The following AANAT variants were observed in gnomAD, a reference collection of about 807,000 sequenced individuals.
AANAT encodes serotonin N-acetyltransferase.
Under a neutral mutation model 15.6 loss-of-function variants are expected in AANAT, and 11 were observed. That is an observed-to-expected ratio of 0.71 (90% CI 0.44 to 1.17). The LOEUF (loss-of-function observed/expected upper bound fraction) is 1.17. Ranked by LOEUF, AANAT falls within the 50% of genes most tolerant of loss-of-function variation. The probability of loss-of-function intolerance (pLI) is 0.00; values close to 1 mark genes in which losing one functional copy is unlikely to be tolerated. For missense variants in AANAT, 286 were observed against 296.3 expected (o/e 0.97, Z 0.26); for synonymous variants, 139 against 131.5 (o/e 1.06, Z -0.39).
chr17:76,468,623 C>T (rs1170235431), intron 1 of AANAT, 49 bp from the exon 2 acceptor site: 4 of 1,479,578 alleles, frequency 2.7e-6, no homozygotes, highest in Non-Finnish European at 1.8e-6. Context: ...TGGGGCCTGC[C>T]TCCCTGGAGA....
At position 76,470,074 on chromosome 17, in the gene AANAT, C is replaced by T; in HGVS notation, c.*104C>T. The T allele has an allele frequency of 1.6e-6, 2 of 1,250,918 alleles. No homozygotes were observed. Among genetic ancestry groups the T allele is most frequent in the Non-Finnish European group, 2.1e-6 (2 of 938,010 alleles). The allele number at this position is 1,250,918 out of a possible 1,614,324, so 77.5% of individuals were successfully genotyped here. A position where few individuals can be genotyped will look rare whatever the true frequency, so the allele number is the denominator to read the frequency against. Reference sequence around the variant, plus strand: ...AGCAGTTTCCAGAGAGTGGAGAGAGCAGGGCTAAATAAAGAGGAGATAAGG... The same window carrying T: ...AGCAGTTTCCAGAGAGTGGAGAGAGTAGGGCTAAATAAAGAGGAGATAAGG... On this transcript the variant is annotated 3_prime_UTR_variant, in exon 4 of 4. Coordinates refer to ENST00000392492, the MANE Select transcript of AANAT (RefSeq NM_001088.3).
chr17:76,458,436 G>C (rs2073358880), intron 1 of AANAT, among the ~76,000 whole-genome samples: 1 of 152,184 alleles, frequency 6.6e-6, no homozygotes, highest in South Asian at 2.1e-4. Flanking sequence ...TGAGGTGTAG[G>C]AAGGAGGAAA....
chr17:76,469,450 G>A lies in AANAT; in HGVS notation c.318+123G>A. Reference sequence around the variant, plus strand: ...CTCCAGAACTGGAGAGATGAGTACAGGCCACAGGCCCCTCCCAGAGCAAGA... The same window carrying A: ...CTCCAGAACTGGAGAGATGAGTACAAGCCACAGGCCCCTCCCAGAGCAAGA... On this transcript the variant is annotated intron_variant, in intron 3 of 3. Coordinates refer to ENST00000392492, the MANE Select transcript of AANAT (RefSeq NM_001088.3). The surrounding 1 kb of genome is among the most constrained non-coding windows in gnomAD (Gnocchi z 5.2). The A allele has an allele frequency of 7.3e-7, 1 of 1,372,932 alleles. No homozygotes were observed. The highest frequency in any genetic ancestry group is 9.9e-7 in the Non-Finnish European group (1 of 1,012,114). The allele number at this position is 1,372,932 out of a possible 1,614,324, so 85.0% of individuals were successfully genotyped here. A position where few individuals can be genotyped will look rare whatever the true frequency, so the allele number is the denominator to read the frequency against.
intron 1 of AANAT, among the ~76,000 whole-genome samples, chr17:76,454,341 T>G (rs1598633585): frequency 1.4e-5 from 2 of 140,440 alleles, no homozygotes; most frequent in Non-Finnish European, 1.6e-5. Flanking sequence ...AAAAAATAGC[T>G]GGGCGTGGTG....
chr17:76,469,361 A>T lies in AANAT; in HGVS notation c.318+34A>T. 1 of 1,611,270 alleles carries T rather than the reference A, an allele frequency of 6.2e-7. No homozygotes were observed. The highest frequency in any genetic ancestry group is 8.5e-7 in the Non-Finnish European group (1 of 1,178,934). On this transcript the variant is annotated intron_variant, in intron 3 of 3. Coordinates refer to ENST00000392492, the MANE Select transcript of AANAT (RefSeq NM_001088.3). This position sits in a 1 kb window ranked among gnomAD's most constrained non-coding sequence, Gnocchi z 5.2. Reference sequence around the variant, plus strand: ...AGGGCTGCGACGCCCAGCTCCAGGGAGGCCTCTGAAGACAGAGGTCAGCCA... The same window carrying T: ...AGGGCTGCGACGCCCAGCTCCAGGGTGGCCTCTGAAGACAGAGGTCAGCCA...
chr17:76,458,706 CTG>C (rs1341771438), intron 1 of AANAT, among the ~76,000 whole-genome samples: 2 of 152,214 alleles, frequency 1.3e-5, no homozygotes, highest in African/African-American at 4.8e-5. Flanking sequence ...GAGCACCTCT[CTG>C]GACCCACAAA....
rs2073509163 is a variant in AANAT, at chr17:76,470,058, CAG to C, written c.*93_*94del. 3.0e-6 allele frequency: 4 copies of C among 1,336,554 alleles called. No individual in the cohort carries two copies. The highest frequency in any genetic ancestry group is 6.2e-5 in the Admixed American group (2 of 32,430). 82.8% of individuals were successfully genotyped at this position (1,336,554 alleles called of 1,614,324 possible). ...AGCTGAGCATGGAGACAGCAGTTTCCAGAGAGTGGAGAGAGCAGGGCTAAATA... is the reference window on the plus strand; with the variant it reads ...AGCTGAGCATGGAGACAGCAGTTTCCAGAGTGGAGAGAGCAGGGCTAAATA... On this transcript the variant is annotated 3_prime_UTR_variant, in exon 4 of 4. Transcript: ENST00000392492.
Position 76,468,780 on chromosome 17 carries a change from G to C in AANAT, c.34G>C (p.Glu12Gln). 1 of 1,613,348 alleles carries C rather than the reference G, an allele frequency of 6.2e-7. No individual in the cohort carries two copies. The highest frequency in any genetic ancestry group is 1.1e-5 in the South Asian group (1 of 91,022). The change falls in exon 2 of 4, where the codon GAG becomes CAG. Residue 12 changes from glutamate (E) to glutamine (Q), a missense_variant. Transcript: ENST00000392492. ...STQSTHPLKPEAPRLPPGIPE... is the reference protein window; with the variant it reads ...STQSTHPLKPQAPRLPPGIPE... ...GCAGAGCACCCACCCCCTGAAACCT[G>C]AGGCCCCACGTCTGCCACCTGGGAT...
intron 1 of AANAT, among the ~76,000 whole-genome samples, chr17:76,456,372 G>A (rs1348337677): frequency 1.3e-5 from 2 of 151,742 alleles, no homozygotes; most frequent in African/African-American, 4.8e-5. Flanking sequence ...AAAACAGATG[G>A]CAGCCTAAGT....
chr17:76,460,778 G>T (rs1057395428), intron 2 of AANAT, among the ~76,000 whole-genome samples: 1 of 152,114 alleles, frequency 6.6e-6, no homozygotes, highest in Non-Finnish European at 1.5e-5. Context: ...GGTCTGGAAG[G>T]TTCCTGAGGT....
chr17:76,467,938 T>C (rs559597782), intron 1 of AANAT, among the ~76,000 whole-genome samples: 17 of 152,212 alleles, frequency 1.1e-4, no homozygotes, highest in African/African-American at 3.9e-4. Context: ...ATGAGCTGGA[T>C]GTGTGGGGCA....
At position 76,470,023 on chromosome 17, in the gene AANAT, C is replaced by T. The variant is rs1598642552; in HGVS notation, c.*53C>T. On this transcript the variant is annotated 3_prime_UTR_variant, in exon 4 of 4. Transcript: ENST00000392492. The stretch of plus-strand genomic sequence containing the variant: ...TGATCCCCGTCTCTGCCCTGGGCTC[C>T]TCTTAGCTCAGCTGAGCATGGAGAC... The T allele has an allele frequency of 7.0e-7, 1 of 1,423,396 alleles. No homozygotes were observed. The highest frequency in any genetic ancestry group is 9.3e-7 in the Non-Finnish European group (1 of 1,079,824). 88.2% of individuals were successfully genotyped at this position (1,423,396 alleles called of 1,614,324 possible).
chr17:76,453,833 T>C (rs1406246023), intron 1 of AANAT: 2 of 152,218 alleles, frequency 1.3e-5, no homozygotes. Context: ...TCCATGCAGA[T>C]AAATTCAAAG....
upstream of AANAT, among the ~76,000 whole-genome samples, chr17:76,464,871 C>T (rs1203820921): frequency 3.9e-5 from 6 of 151,952 alleles, no homozygotes; most frequent in African/African-American, 1.2e-4. Context: ...TCTTGGCTCA[C>T]TGCAACCTCT....
At position 76,468,825 on chromosome 17, in the gene AANAT, C is replaced by G. The variant is rs1291602699; in HGVS notation, c.79C>G (p.Gln27Glu). 3 of 1,613,480 alleles carry G rather than the reference C, an allele frequency of 1.9e-6. No individual in the cohort carries two copies. Among genetic ancestry groups the G allele is most frequent in the Non-Finnish European group, 2.5e-6 (3 of 1,180,000 alleles). ...PPGIPESPSC[Q>E]RRHTLPASEF... ...TGGGATCCCCGAGTCCCCGAGCTGT[C>G]AGCGGCGCCACACACTCCCTGCCAG... Residue 27 changes from glutamine (Q) to glutamate (E), a missense_variant, in exon 2 of 4, where the codon CAG (glutamine) becomes GAG (glutamate). Physicochemically the swap from Gln to Glu is conservative, Grantham distance 29 (BLOSUM62 2). Coordinates refer to ENST00000392492, the MANE Select transcript of AANAT (RefSeq NM_001088.3).
chr17:76,467,768 C>CA, intron 1 of AANAT, 41 bp downstream of exon 1: 62 of 971,598 alleles, frequency 6.4e-5, no homozygotes, highest in Non-Finnish European at 7.5e-5. Flanking sequence ...CCTTTAGGAA[C>CA]AGGAGCTTCT....
intron 1 of AANAT, among the ~76,000 whole-genome samples, chr17:76,458,629 C>A (rs1191664452): frequency 6.6e-6 from 1 of 152,162 alleles, no homozygotes; most frequent in African/African-American, 2.4e-5. Flanking sequence ...GGCGGCAGAG[C>A]CAGCAGCAGA....
chr17:76,467,640 G>T lies in AANAT; in HGVS notation c.-163G>T. On this transcript the variant is annotated 5_prime_UTR_variant, in exon 1 of 4. Coordinates refer to ENST00000392492, the MANE Select transcript of AANAT (RefSeq NM_001088.3). ...CTACAGCCTTGCAGCCCGGAGTCCCGGATTTTACTGGTTCCCGTGCCTGCG... is the reference window on the plus strand; with the variant it reads ...CTACAGCCTTGCAGCCCGGAGTCCCTGATTTTACTGGTTCCCGTGCCTGCG... The T allele has an allele frequency of 1.0e-6, 1 of 985,522 alleles. No homozygotes were observed. Among genetic ancestry groups the T allele is most frequent in the Non-Finnish European group, 1.2e-6 (1 of 830,014 alleles). 61.0% of individuals were successfully genotyped at this position (985,522 alleles called of 1,614,324 possible).
At chr17:76,455,162 ACGCCTGAAATCCCAACACTTTGACTG>A (rs1373460227) in intron 1 of AANAT, among the ~76,000 whole-genome samples, 3 of 151,894 alleles carry the variant, frequency 2.0e-5, no homozygotes, top group South Asian at 2.1e-4. Context: ...ACAGTGGCTC[ACGCCTGAAATCCCAACACTTTGACTG>A]CGCCTGAAAT....
Sources: allele counts gnomAD v4.1 joint callset (sites outside exome capture counted in the v4.1 genomes callset), GRCh38; gene constraint gnomAD v4.1.1; non-coding constraint Gnocchi (gnomAD v3.1); transcripts MANE v1.5; gene names NCBI Gene and HGNC (gene_info 2026-07-23, HGNC 2026-07-21).